The following MITF variants were observed in gnomAD, a reference collection of about 807,000 sequenced individuals.
MITF encodes microphthalmia-associated transcription factor.
In MITF, 17 loss-of-function variants were observed where a neutral mutation model predicts 60.5. The observed-to-expected ratio is 0.28, with a 90% confidence interval of 0.19 to 0.42. The LOEUF (loss-of-function observed/expected upper bound fraction) is 0.42. Among genes scored for constraint, MITF ranks in the 10% least tolerant of loss-of-function variants. The probability of loss-of-function intolerance (pLI) is 1.00; values close to 1 mark genes in which losing one functional copy is unlikely to be tolerated. For synonymous variants in MITF, 260 were observed against 248.5 expected, an observed-to-expected ratio of 1.05 and a Z score of -0.43; for missense variants, 622 against 683.5, an observed-to-expected ratio of 0.91 and a Z score of 1.00.
At chr3:69,950,476 ATG>A (rs1491253346) in intron 6 of MITF, among the ~76,000 whole-genome samples, 22 of 135,772 alleles carry the variant, frequency 1.6e-4, no homozygotes, top group Non-Finnish European at 3.0e-4. Flanking sequence ...ATATATATAT[ATG>A]CACACACATA....
intron 5 of MITF, among the ~76,000 whole-genome samples, chr3:69,942,334 T>C (rs1293299366): frequency 6.6e-6 from 1 of 152,204 alleles, no homozygotes; most frequent in African/African-American, 2.4e-5. Context: ...ATGTGTTTTT[T>C]ACCATAATGA....
intron 2 of MITF, among the ~76,000 whole-genome samples, chr3:69,910,278 A>G (rs1397396759): frequency 6.6e-6 from 1 of 152,238 alleles, no homozygotes; most frequent in African/African-American, 2.4e-5. Context: ...TCCAGATTTC[A>G]GAAGATGTAT....
chr3:69,919,002 A>G (rs1263203631), intron 2 of MITF, among the ~76,000 whole-genome samples: 2 of 152,230 alleles, frequency 1.3e-5, no homozygotes, highest in Non-Finnish European at 2.9e-5. Context: ...TATTATTTCA[A>G]GAAATCTTTC....
rs1405509226 is a variant in MITF at position 69,873,194 on chromosome 3, T to C, written c.105-5940T>C. On this transcript the variant is annotated intron_variant, in intron 1 of 9. Coordinates refer to ENST00000352241, the MANE Select transcript of MITF (RefSeq NM_001354604.2). ...TCTGGTACTTTCACATTTACATGGG[T>C]TACACTCCCAGCTATTTTAAGTACG... 1.3e-5 allele frequency among the ~76,000 whole-genome samples: 2 copies of C among 152,138 alleles called. 1 individual carries two copies. Among genetic ancestry groups the C allele is most frequent in the Admixed American group, 1.3e-4 (2 of 15,270 alleles).
At chr3:69,880,031 C>CAT (rs113433279) in intron 2 of MITF, among the ~76,000 whole-genome samples, 3,810 of 152,240 alleles carry the variant, frequency 0.025, 142 homozygotes, top group African/African-American at 0.084. Context: ...CCATCTCACA[C>CAT]GTGTCTTCCA....
At chr3:69,841,344 T>C (rs2063632567) in intron 1 of MITF, among the ~76,000 whole-genome samples, 1 of 152,236 alleles carries the variant, frequency 6.6e-6, no homozygotes, top group Admixed American at 6.5e-5. Flanking sequence ...AACACATCTT[T>C]GTTTTGTATA....
chr3:69,910,195 AC>A (rs1194617644), intron 2 of MITF, among the ~76,000 whole-genome samples: 1 of 152,228 alleles, frequency 6.6e-6, no homozygotes, highest in Non-Finnish European at 1.5e-5. Context: ...GAGGCCCCAA[AC>A]CTTGGCAGCT....
intron 1 of MITF, among the ~76,000 whole-genome samples, chr3:69,863,441 C>T (rs1400654318): frequency 2.6e-5 from 4 of 152,118 alleles, no homozygotes; most frequent in East Asian, 3.9e-4. Flanking sequence ...TTTCTTGAGG[C>T]GGTGGATTGT....
In MITF at chr3:69,771,855, C is replaced by T. The variant is rs566819397; in HGVS notation, c.104+32154C>T. Among the ~76,000 whole-genome samples the T allele has an allele frequency of 2.6e-5, 4 of 152,180 alleles. No homozygotes were observed. In the East Asian group the frequency reaches 5.8e-4, roughly 22 times the overall value. ...AGAATTGGACTGGGTAGCCTGCCAT[C>T]GCGATGCATGCTTGATGCATGAGAG... On this transcript the variant is annotated intron_variant, in intron 1 of 9. Coordinates refer to ENST00000352241, the MANE Select transcript of MITF (RefSeq NM_001354604.2).
chr3:69,754,798 C>T (rs1442422409), intron 1 of MITF, among the ~76,000 whole-genome samples: 1 of 152,008 alleles, frequency 6.6e-6, no homozygotes, highest in Non-Finnish European at 1.5e-5. Flanking sequence ...AGCCCAAAGC[C>T]TGGCTTTTAG....
At chr3:69,806,385 C>G (rs1044263920) in intron 1 of MITF, among the ~76,000 whole-genome samples, 1 of 151,916 alleles carries the variant, frequency 6.6e-6, no homozygotes, top group Non-Finnish European at 1.5e-5. Flanking sequence ...TGCACCCGGC[C>G]CATTTTACTA....
intron 5 of MITF, among the ~76,000 whole-genome samples, chr3:69,943,950 G>A (rs1283066367): frequency 6.6e-6 from 1 of 152,000 alleles, no homozygotes; most frequent in Non-Finnish European, 1.5e-5. Context: ...AATTAGCTGG[G>A]TGGGGTAGTA....
chr3:69,801,106 G>A (rs79807335), intron 1 of MITF, among the ~76,000 whole-genome samples: 43 of 144,382 alleles, frequency 3.0e-4, no homozygotes, highest in Non-Finnish European at 5.1e-4. Context: ...TGCTGTTACC[G>A]TGAAGGTTGT....
intron 1 of MITF, among the ~76,000 whole-genome samples, chr3:69,851,431 A>C (rs1158649261): frequency 6.6e-6 from 1 of 152,158 alleles, no homozygotes; most frequent in African/African-American, 2.4e-5. Flanking sequence ...TAGTGAAAGG[A>C]TAAACAAGCT....
chr3:69,936,613 G>T, intron 2 of MITF: 1 of 1,565,300 alleles, frequency 6.4e-7, no homozygotes, highest in Non-Finnish European at 8.7e-7. Flanking sequence ...GGGATACCTT[G>T]TTTATAGTAC....
At chr3:69,801,529 G>A (rs1037853127) in intron 1 of MITF, among the ~76,000 whole-genome samples, 2 of 152,110 alleles carry the variant, frequency 1.3e-5, no homozygotes, top group African/African-American at 4.8e-5. Flanking sequence ...CCGCATTGAT[G>A]CCAAGAGATA....
chr3:69,790,457 T>C (rs2062722048), intron 1 of MITF, among the ~76,000 whole-genome samples: 1 of 152,166 alleles, frequency 6.6e-6, no homozygotes, highest in African/African-American at 2.4e-5. Context: ...TATTTAGAAA[T>C]GGTTAAAATG....
At chr3:69,774,637 G>C (rs2062446053) in intron 1 of MITF, among the ~76,000 whole-genome samples, 1 of 152,166 alleles carries the variant, frequency 6.6e-6, no homozygotes, top group South Asian at 2.1e-4. Flanking sequence ...CCAGGTCAAA[G>C]ATTCTGGAAG....
chr3:69,834,788 C>G (rs976110948), intron 1 of MITF, among the ~76,000 whole-genome samples: 4 of 150,802 alleles, frequency 2.7e-5, no homozygotes, highest in African/African-American at 9.7e-5. Context: ...TACAATCTCT[C>G]TAACAGTGTG....
Sources: allele counts gnomAD v4.1 joint callset (sites outside exome capture counted in the v4.1 genomes callset), GRCh38; gene constraint gnomAD v4.1.1; transcripts MANE v1.5; gene names NCBI Gene and HGNC (gene_info 2026-07-23, HGNC 2026-07-21).